The following CELF2 variants were observed in gnomAD, a reference collection of about 807,000 sequenced individuals.
CELF2 encodes the protein CUG triplet repeat RNA-binding protein 2.
A neutral mutation model predicts 62.6 loss-of-function variants in CELF2; 8 were observed. The ratio of observed to expected loss-of-function variants is 0.13; its 90% confidence interval spans 0.07 to 0.23. CELF2 has a LOEUF of 0.23. Ranked by LOEUF, CELF2 falls within the 10% of genes least tolerant of loss-of-function variation. The pLI is 1.00. For missense variants in CELF2, 333 were observed against 671.0 expected (o/e 0.50, Z 5.56); for synonymous variants, 258 against 250.0 (o/e 1.03, Z -0.30).
chr10:11,304,640 C>G (rs867760665), intron 9 of CELF2, among the ~76,000 whole-genome samples: 14 of 152,224 alleles, frequency 9.2e-5, no homozygotes, highest in African/African-American at 3.4e-4. Context: ...ACTCCTGTTA[C>G]ATAACCCATG....
intron 4 of CELF2, among the ~76,000 whole-genome samples, chr10:11,257,209 G>C (rs1400280256): frequency 6.6e-6 from 1 of 151,876 alleles, no homozygotes; most frequent in African/African-American, 2.4e-5. Flanking sequence ...ATTTGAAACA[G>C]AAAAATGTTT....
chr10:11,208,928 A>C (rs2061103877), intron 2 of CELF2, among the ~76,000 whole-genome samples: 1 of 152,220 alleles, frequency 6.6e-6, no homozygotes, highest in African/African-American at 2.4e-5. Flanking sequence ...AGGAAAGGCA[A>C]AGGCATGGAA....
chr10:10,704,892 AT>A, the CELF2 span, among the ~76,000 whole-genome samples: 19,871 of 145,728 alleles, frequency 0.14, 2,237 homozygotes, highest in East Asian at 0.41. Context: ...CTTATATAAG[AT>A]TTTTTTTTTT....
intron 1 of CELF2, among the ~76,000 whole-genome samples, chr10:11,113,828 T>C (rs2055870015): frequency 6.6e-6 from 1 of 152,208 alleles, no homozygotes; most frequent in Non-Finnish European, 1.5e-5. Flanking sequence ...AGCAAGGTTC[T>C]TGATTTGACA....
intron 1 of CELF2, among the ~76,000 whole-genome samples, chr10:10,804,662 C>A (rs2055021824): frequency 2.0e-5 from 3 of 152,230 alleles, no homozygotes; most frequent in African/African-American, 4.8e-5. Flanking sequence ...ACGAACTACA[C>A]TTTTGCGTGT....
At chr10:10,534,940 A>G in the CELF2 span, among the ~76,000 whole-genome samples, 1 of 152,228 alleles carries the variant, frequency 6.6e-6, no homozygotes, top group African/African-American at 2.4e-5. Context: ...AAATATAATG[A>G]ACTAATTAGA....
rs560551380 is a variant in CELF2, at chr10:11,217,013, A to G, written c.272-412A>G. 5.2e-5 allele frequency among the ~76,000 whole-genome samples: 8 copies of G among 152,382 alleles called. No homozygotes were observed. Among genetic ancestry groups the G allele is most frequent in the African/African-American group, 1.7e-4 (7 of 41,598 alleles). ...AAGCTTTGAGTTTAGAAAGTCTTTCAAAAACCTGACGTTCTGGAGATACAC... is the reference window on the plus strand; with the variant it reads ...AAGCTTTGAGTTTAGAAAGTCTTTCGAAAACCTGACGTTCTGGAGATACAC... On this transcript the variant is annotated intron_variant, in intron 2 of 12. Transcript: ENST00000633077. The surrounding 1 kb of genome is among the most constrained non-coding windows in gnomAD (Gnocchi z 5.6).
At chr10:10,815,185 A>G (rs1326827721) in intron 1 of CELF2, among the ~76,000 whole-genome samples, 1 of 152,174 alleles carries the variant, frequency 6.6e-6, no homozygotes, top group East Asian at 1.9e-4. Flanking sequence ...GCCCTGGCCC[A>G]GATTCTAATC....
the CELF2 span, among the ~76,000 whole-genome samples, chr10:10,729,822 T>C: frequency 3.9e-5 from 6 of 152,252 alleles, no homozygotes; most frequent in African/African-American, 1.2e-4. Flanking sequence ...TCCTAGCATG[T>C]AGCACTGTAA....
the CELF2 span, among the ~76,000 whole-genome samples, chr10:10,468,923 C>G: frequency 6.6e-6 from 1 of 151,892 alleles, no homozygotes; most frequent in Non-Finnish European, 1.5e-5. Context: ...GGGCTCTTTT[C>G]AAACTCATCT....
intron 2 of CELF2, among the ~76,000 whole-genome samples, chr10:11,202,947 CTCTCTGTGTG>C (rs1478993502): frequency 1.1e-4 from 6 of 52,652 alleles, no homozygotes; most frequent in East Asian, 1.1e-3. Context: ...CTCTCTCTCT[CTCTCTGTGTG>C]TGTGTGTGTG....
chr10:10,662,269 C>T, the CELF2 span, among the ~76,000 whole-genome samples: 2 of 152,216 alleles, frequency 1.3e-5, no homozygotes, highest in Non-Finnish European at 2.9e-5. Context: ...TGCACTCAGA[C>T]TTCATGTGGA....
chr10:10,963,664 A>G (rs924898171), intron 2 of CELF2, among the ~76,000 whole-genome samples: 2 of 152,234 alleles, frequency 1.3e-5, no homozygotes, highest in African/African-American at 4.8e-5. Context: ...TTTGATATAT[A>G]TAAAATGATA....
chr10:10,779,796 A>C, the CELF2 span, among the ~76,000 whole-genome samples: 3 of 152,168 alleles, frequency 2.0e-5, no homozygotes, highest in African/African-American at 7.2e-5. Context: ...CACAGATCTA[A>C]ATTTTCCCTC....
chr10:11,184,304 T>C (rs1307488438), intron 2 of CELF2, among the ~76,000 whole-genome samples: 1 of 152,262 alleles, frequency 6.6e-6, no homozygotes, highest in African/African-American at 2.4e-5. Context: ...ACTGCAACTT[T>C]ATCACGAGTC....
intron 8 of CELF2, among the ~76,000 whole-genome samples, chr10:11,284,642 G>A (rs2090535472): frequency 6.7e-6 from 1 of 149,210 alleles, no homozygotes; most frequent in Admixed American, 6.6e-5. Context: ...ACCACAATGA[G>A]GGATGGATGG....
At chr10:10,520,619 G>C in the CELF2 span, among the ~76,000 whole-genome samples, 1 of 152,100 alleles carries the variant, frequency 6.6e-6, no homozygotes, top group Admixed American at 6.6e-5. Flanking sequence ...AATAGGGCAG[G>C]CGTAATAGGG....
the CELF2 span, among the ~76,000 whole-genome samples, chr10:10,594,185 T>C: frequency 1.3e-5 from 2 of 152,196 alleles, no homozygotes; most frequent in East Asian, 3.8e-4. Flanking sequence ...GAAAACTGAT[T>C]GTACGTGGAA....
chr10:11,239,496 A>G (rs2072953683), intron 3 of CELF2, among the ~76,000 whole-genome samples: 2 of 152,322 alleles, frequency 1.3e-5, no homozygotes, highest in South Asian at 2.1e-4. Context: ...GGAAGCTCCT[A>G]TACTTTGCAA....
Sources: allele counts gnomAD v4.1 joint callset (sites outside exome capture counted in the v4.1 genomes callset), GRCh38; gene constraint gnomAD v4.1.1; non-coding constraint Gnocchi (gnomAD v3.1); transcripts MANE v1.5; gene names NCBI Gene and HGNC (gene_info 2026-07-23, HGNC 2026-07-21).